Variants in LAMC3 observed in about 807,000 individuals in gnomAD.
LAMC3 encodes the protein laminin subunit gamma-3.
In LAMC3, 128 loss-of-function variants were observed where a neutral mutation model predicts 173.8. The ratio of observed to expected loss-of-function variants is 0.74; its 90% CI spans 0.64 to 0.85. The LOEUF is 0.85. Among genes scored for constraint, LAMC3 ranks in the 40% least tolerant of loss-of-function variants. LAMC3 has a pLI of 0.00. For synonymous variants in LAMC3, 897 were observed against 909.1 expected, an observed-to-expected ratio of 0.99 and a Z score of 0.24; for missense variants, 2,022 against 2,156.0, an observed-to-expected ratio of 0.94 and a Z score of 1.23.
intron 24 of LAMC3, 21 bp downstream of exon 24, chr9:131,082,182 A>T (rs1439115783): frequency 6.3e-7 from 1 of 1,577,164 alleles, no homozygotes; most frequent in Non-Finnish European, 8.7e-7. Context: ...CCAGCTGACC[A>T]CTAGGCTGTG....
Position 131,093,809 on chromosome 9 carries a change from CTCTTT to C in LAMC3, c.*2023_*2027del, listed in dbSNP as rs1830464281. 2.6e-5 allele frequency: 4 copies of C among 152,260 alleles called. No homozygotes were observed. Among genetic ancestry groups the C allele is most frequent in the African/African-American group, 9.7e-5 (4 of 41,386 alleles). The allele number at this position is 152,260 out of a possible 1,614,324, so 9.4% of individuals were successfully genotyped here. On this transcript the variant is annotated 3_prime_UTR_variant, in exon 28 of 28. Coordinates refer to ENST00000361069, the MANE Select transcript of LAMC3 (RefSeq NM_006059.4). ...TCTCCTGTATCTGCTTCGTTCTTTTCTCTTTATTTATTGATTTTTTTTGAGATGGA... is the reference window on the plus strand; with the variant it reads ...TCTCCTGTATCTGCTTCGTTCTTTTCATTTATTGATTTTTTTTGAGATGGA...
chr9:131,026,654 G>T lies in LAMC3; in HGVS notation c.678+65G>T, dbSNP rs767334947. On this transcript the variant is annotated intron_variant, in intron 2 of 27. Coordinates refer to ENST00000361069, the MANE Select transcript of LAMC3 (RefSeq NM_006059.4). This position sits in a 1 kb window ranked among gnomAD's most constrained non-coding sequence, Gnocchi z 4.8. ...GGGACTGGGTCACGGCAGTAGGAGG[G>T]TCTGATGTGCCAGGACACACAGGGT... The T allele has an allele frequency of 8.8e-6, 13 of 1,476,470 alleles. No individual in the cohort carries two copies. Among genetic ancestry groups the T allele is most frequent in the Non-Finnish European group, 1.2e-5 (13 of 1,115,512 alleles). 91.5% of individuals were successfully genotyped at this position (1,476,470 alleles called of 1,614,324 possible).
At chr9:131,086,270 G>A (rs1335574113) in intron 25 of LAMC3, among the ~76,000 whole-genome samples, 4 of 151,992 alleles carry the variant, frequency 2.6e-5, no homozygotes, top group African/African-American at 4.8e-5. Context: ...GTAGAGCGGG[G>A]TTTCACCATG....
rs78391452 is a variant in LAMC3 at position 131,062,564 on chromosome 9, G to A, written c.2347+1341G>A. On this transcript the variant is annotated intron_variant, in intron 13 of 27. Coordinates refer to ENST00000361069, the MANE Select transcript of LAMC3 (RefSeq NM_006059.4). ...TTTATCATCATCCCAGACAGAAACC[G>A]TACCCATCAAATGTGTTGTTGAGGC... 9.7e-3 allele frequency among the ~76,000 whole-genome samples: 1,475 copies of A among 151,814 alleles called. 25 individuals are homozygous for A. Among genetic ancestry groups the A allele is most frequent in the African/African-American group, 0.033 (1,362 of 41,386 alleles).
rs370821927 is a variant in LAMC3, at chr9:131,036,332, C to T, written c.976C>T (p.Pro326Ser). The change falls in exon 4 of 28, where the codon CCC (proline) becomes TCC (serine). Residue 326 changes from proline to serine, a missense_variant and splice_region_variant. Pro to Ser is a moderately conservative substitution (Grantham distance 74). Coordinates refer to ENST00000361069, the MANE Select transcript of LAMC3 (RefSeq NM_006059.4). ...GTAEAAHECL[P>S]CNCSGRSEEC... ...CGCCGAGGCTGCCCACGAGTGTCTG[C>T]GTGAGTGTCTGAGTGTCACAGGGCA... 160 of 1,612,532 alleles carry T rather than the reference C, an allele frequency of 9.9e-5. No individual in the cohort carries two copies. The highest frequency in any genetic ancestry group is 4.9e-4 in the Middle Eastern group (3 of 6,074).
chr9:131,062,473 C>T (rs1264877859), intron 13 of LAMC3, among the ~76,000 whole-genome samples: 1 of 152,112 alleles, frequency 6.6e-6, no homozygotes, highest in Non-Finnish European at 1.5e-5. Context: ...TTTCTAAGTG[C>T]ATAACTCAGT....
intron 18 of LAMC3, 37 bp from the exon 19 acceptor site, chr9:131,072,592 CA>C (rs1830053122): frequency 2.6e-6 from 4 of 1,564,538 alleles, no homozygotes; most frequent in Non-Finnish European, 2.6e-6. Flanking sequence ...GTGACATCTC[CA>C]CCACTTTGTG....
At chr9:131,080,262 C>T (rs1338975208) in intron 23 of LAMC3, 3 of 149,346 alleles carry the variant, frequency 2.0e-5, no homozygotes, top group Non-Finnish European at 4.4e-5. Flanking sequence ...AGGTGTAAGC[C>T]ACCACACCCA....
chr9:131,052,586 A>G lies in LAMC3; in HGVS notation c.1726A>G (p.Arg576Gly). Residue 576 changes from arginine (R) to glycine (G), a missense_variant, in exon 10 of 28, where the codon AGG (arginine) becomes GGG (glycine). Physicochemically the swap from Arg to Gly is moderately radical, Grantham distance 125 (BLOSUM62 -2). Transcript: ENST00000361069. ...GGACTCCCCACTCCCTGTACAGCTG[A>G]GGCTGGAAGGGACAGGCTTGGCCCT... is the stretch of plus-strand genomic sequence containing the variant. ...PGDSPLPVQL[R>G]LEGTGLALSL... is the part of the protein sequence containing the mutation. 2 of 1,614,030 alleles carry G rather than the reference A, an allele frequency of 1.2e-6. No homozygotes were observed. The highest frequency in any genetic ancestry group is 1.7e-6 in the Non-Finnish European group (2 of 1,179,968).
chr9:131,065,039 T>TAAAAAAAAA (rs754104539), intron 13 of LAMC3, among the ~76,000 whole-genome samples: 1 of 27,420 alleles, frequency 3.6e-5, no homozygotes, highest in African/African-American at 7.0e-5. Context: ...AGACTCCATC[T>TAAAAAAAAA]AAAAAAAAAA....
At position 131,092,904 on chromosome 9, in the gene LAMC3, G is replaced by C. The variant is rs1830448964; in HGVS notation, c.*1117G>C. 1 of 152,486 alleles carries C rather than the reference G, an allele frequency of 6.6e-6. No individual in the cohort carries two copies. Among genetic ancestry groups the C allele is most frequent in the Non-Finnish European group, 1.5e-5 (1 of 68,244 alleles). 9.4% of individuals were successfully genotyped at this position (152,486 alleles called of 1,614,324 possible). A position where few individuals can be genotyped will look rare whatever the true frequency, so the allele number is the denominator to read the frequency against. ...CTCTTGGCATCCCTCCCCTCTCCCA[G>C]ACCCTCTTCCAGCAGATGGCAAGGC... On this transcript the variant is annotated 3_prime_UTR_variant, in exon 28 of 28. Coordinates refer to ENST00000361069, the MANE Select transcript of LAMC3 (RefSeq NM_006059.4).
Position 131,077,171 on chromosome 9 carries a change from C to T in LAMC3, c.3630-16C>T, listed in dbSNP as rs1201487771. The T allele has an allele frequency of 6.2e-7, 1 of 1,612,996 alleles. No homozygotes were observed. Among genetic ancestry groups the T allele is most frequent in the East Asian group, 2.2e-5 (1 of 44,884 alleles). ...CTAGTTCTGCACCCAGCTCCGTGGC[C>T]TCTGCTTCCTCCCAGGTACCAGGAG... is the stretch of plus-strand genomic sequence containing the variant. On this transcript the variant is annotated splice_polypyrimidine_tract_variant and intron_variant, in intron 21 of 27. Transcript: ENST00000361069.
intron 1 of LAMC3, among the ~76,000 whole-genome samples, chr9:131,013,477 A>G (rs1268233349): frequency 6.6e-6 from 1 of 152,088 alleles, no homozygotes; most frequent in Admixed American, 6.5e-5. Context: ...TCTTGCTTTC[A>G]TTTAGCCGTT....
At position 131,093,479 on chromosome 9, in the gene LAMC3, G is replaced by A. The variant is rs1830457263; in HGVS notation, c.*1692G>A. ...GAGAAGGAAGCATTCCAGGCAAGAGGGTGGACAACAGTCCGGGGCCCGCAG... is the reference window on the plus strand; with the variant it reads ...GAGAAGGAAGCATTCCAGGCAAGAGAGTGGACAACAGTCCGGGGCCCGCAG... On this transcript the variant is annotated 3_prime_UTR_variant, in exon 28 of 28. Transcript: ENST00000361069. 1 of 152,410 alleles carries A rather than the reference G, an allele frequency of 6.6e-6. No homozygotes were observed. Among genetic ancestry groups the A allele is most frequent in the Admixed American group, 6.5e-5 (1 of 15,284 alleles). The allele number at this position is 152,410 out of a possible 1,614,324, so 9.4% of individuals were successfully genotyped here. A position where few individuals can be genotyped will look rare whatever the true frequency, so the allele number is the denominator to read the frequency against.
chr9:131,024,885 G>A (rs1423928227), intron 1 of LAMC3, among the ~76,000 whole-genome samples: 2 of 152,118 alleles, frequency 1.3e-5, no homozygotes, highest in Non-Finnish European at 2.9e-5. Flanking sequence ...CACATTGCAG[G>A]AGGCCCCCTC....
Position 131,025,442 on chromosome 9 carries a change from G to A in LAMC3, c.374-843G>A, listed in dbSNP as rs141990244. The stretch of plus-strand genomic sequence containing the variant: ...CAGGGCAGGCAGGTGCCTAAAGCCT[G>A]CAGATCCTCCAGCTGGGTGTCGGGG... On this transcript the variant is annotated intron_variant, in intron 1 of 27. Transcript: ENST00000361069. Among the ~76,000 whole-genome samples the A allele has an allele frequency of 3.9e-3, 593 of 152,264 alleles. 6 individuals are homozygous for A. Among genetic ancestry groups the A allele is most frequent in the African/African-American group, 0.012 (481 of 41,556 alleles).
chr9:131,065,802 A>G (rs1202367299), intron 13 of LAMC3, among the ~76,000 whole-genome samples: 1 of 151,656 alleles, frequency 6.6e-6, no homozygotes, highest in African/African-American at 2.4e-5. Flanking sequence ...CAAGATGACA[A>G]TGGTGATGAA....
chr9:131,081,869 T>C (rs562944158), intron 23 of LAMC3, among the ~76,000 whole-genome samples, 190 bp from the exon 24 acceptor site: 1 of 152,340 alleles, frequency 6.6e-6, no homozygotes, highest in African/African-American at 2.4e-5. Flanking sequence ...AGGTATCTCT[T>C]GGGAGACATT....
chr9:131,055,844 A>G (rs1413056969), intron 11 of LAMC3, among the ~76,000 whole-genome samples: 1 of 152,028 alleles, frequency 6.6e-6, no homozygotes, highest in African/African-American at 2.4e-5. Flanking sequence ...TTCTGTGTCA[A>G]TTAGCTTCTT....
Sources: gnomAD v4.1 joint callset for allele counts (sites outside exome capture counted in the v4.1 genomes callset) on GRCh38, gnomAD v4.1.1 for gene constraint, Gnocchi (gnomAD v3.1) non-coding constraint, MANE v1.5 for transcripts, NCBI Gene and HGNC (gene_info 2026-07-23, HGNC 2026-07-21) for gene names.